Variants in CDK5RAP2 observed in about 807,000 individuals in gnomAD.
CDK5RAP2 encodes CDK5 regulatory subunit associated protein 2, also known as CDK5 regulatory subunit-associated protein 2.
A neutral mutation model predicts 232.9 loss-of-function variants in CDK5RAP2; 147 were observed. That is an observed-to-expected ratio of 0.63 (90% CI 0.55 to 0.72). The LOEUF (loss-of-function observed/expected upper bound fraction) is 0.72. Ranked by LOEUF, CDK5RAP2 falls within the 30% of genes least tolerant of loss-of-function variation. CDK5RAP2 has a pLI of 0.00. For synonymous variants in CDK5RAP2, 833 were observed against 833.7 expected (o/e 1.00, Z 0.01); for missense variants, 2,195 against 2,231.5 (o/e 0.98, Z 0.33).
chr9:120,415,282 G>A, intron 27 of CDK5RAP2, 123 bp from the exon 28 acceptor site: 2 of 1,127,864 alleles, frequency 1.8e-6, no homozygotes, highest in African/African-American at 1.5e-5. Flanking sequence ...GTTAGCAACT[G>A]GCAATTCTTT....
chr9:120,542,322 T>G (rs555589293), intron 5 of CDK5RAP2, among the ~76,000 whole-genome samples: 1 of 152,088 alleles, frequency 6.6e-6, no homozygotes, highest in East Asian at 1.9e-4. Flanking sequence ...CTGGCCAACA[T>G]GGTGAAACCC....
chr9:120,543,757 C>G (rs1185849139), intron 5 of CDK5RAP2, among the ~76,000 whole-genome samples: 6 of 152,302 alleles, frequency 3.9e-5, no homozygotes, highest in Admixed American at 2.0e-4. Flanking sequence ...ACTCAGGAGG[C>G]TGAGGCAGGA....
Position 120,535,693 on chromosome 9 carries a change from T to A in CDK5RAP2, c.662+679A>T, listed in dbSNP as rs186322104. ...ACTCAACTTTCTCCTGACAAGTTTT[T>A]ACCAAAAATTTCGTTGCAAAATATG... On this transcript the variant is annotated intron_variant, in intron 7 of 37. Transcript: ENST00000349780. 2.3e-4 allele frequency among the ~76,000 whole-genome samples: 35 copies of A among 152,360 alleles called. 2 individuals carry two copies. Among genetic ancestry groups the A allele is most frequent in the Admixed American group, 2.2e-3 (33 of 15,306 alleles).
chr9:120,579,890 T>TTACCACGACCACCAA, intron 1 of CDK5RAP2, 30 bp downstream of exon 1: 4 of 1,595,952 alleles, frequency 2.5e-6, no homozygotes, highest in Non-Finnish European at 3.4e-6. Context: ...CCCGGCCCGG[T>TTACCACGACCACCAA]TACCACGACC....
chr9:120,560,738 TC>T (rs1292350184), intron 3 of CDK5RAP2, among the ~76,000 whole-genome samples: 1 of 152,120 alleles, frequency 6.6e-6, no homozygotes, highest in Non-Finnish European at 1.5e-5. Context: ...TGCCTTAGCC[TC>T]CCAAGTAGCT....
intron 34 of CDK5RAP2, among the ~76,000 whole-genome samples, chr9:120,401,636 G>GAC (rs2033025745): frequency 1.5e-5 from 2 of 134,432 alleles, no homozygotes; most frequent in African/African-American, 5.5e-5. Flanking sequence ...AAAAAAAAGA[G>GAC]AGAAAAAAGA....
At chr9:120,417,293 A>G (rs1311067486) in intron 27 of CDK5RAP2, among the ~76,000 whole-genome samples, 1 of 148,894 alleles carries the variant, frequency 6.7e-6, no homozygotes, top group Non-Finnish European at 1.5e-5. Flanking sequence ...CACGCTCCTT[A>G]AACTCCGGGC....
At chr9:120,548,285 G>A (rs896198198) in intron 4 of CDK5RAP2, among the ~76,000 whole-genome samples, 2 of 152,144 alleles carry the variant, frequency 1.3e-5, no homozygotes, top group African/African-American at 2.4e-5. Context: ...TCAGAAGGGT[G>A]GAGAGCTTCT....
intron 21 of CDK5RAP2, among the ~76,000 whole-genome samples, chr9:120,448,911 T>C (rs752909166): frequency 1.2e-4 from 19 of 152,202 alleles, no homozygotes; most frequent in Non-Finnish European, 1.9e-4. Context: ...ACCTAAGTCA[T>C]GGCAACAGTC....
intron 4 of CDK5RAP2, 61 bp downstream of exon 4, chr9:120,550,731 T>C: frequency 1.1e-6 from 1 of 948,094 alleles, no homozygotes; most frequent in Non-Finnish European, 1.8e-6. Context: ...TAATCAAATT[T>C]CTGCTTGAAA....
chr9:120,395,975 C>CAG (rs2032430416), intron 35 of CDK5RAP2, among the ~76,000 whole-genome samples: 1 of 152,314 alleles, frequency 6.6e-6, no homozygotes, highest in Middle Eastern at 3.4e-3. Context: ...TTGGAAGTGA[C>CAG]AGACATACAT....
At chr9:120,544,711 G>A (rs992528779) in intron 5 of CDK5RAP2, among the ~76,000 whole-genome samples, 1 of 152,230 alleles carries the variant, frequency 6.6e-6, no homozygotes, top group African/African-American at 2.4e-5. Context: ...CCTCGGTGAG[G>A]CAACCCTGGA....
intron 24 of CDK5RAP2, among the ~76,000 whole-genome samples, chr9:120,437,824 T>C (rs1340258243): frequency 6.6e-6 from 1 of 152,178 alleles, no homozygotes; most frequent in Non-Finnish European, 1.5e-5. Flanking sequence ...TCTTCAAAAA[T>C]ACTATTCTGA....
chr9:120,535,918 C>T, intron 7 of CDK5RAP2, among the ~76,000 whole-genome samples: 1 of 152,294 alleles, frequency 6.6e-6, no homozygotes, highest in South Asian at 2.1e-4. Context: ...ACTGTTATTT[C>T]TTGTGGGGGC....
rs1036043306 is a variant in CDK5RAP2 at position 120,437,491 on chromosome 9, G to C, written c.3759C>G (p.Leu1253=). The change falls in exon 25 of 38, where the codon CTC becomes CTG. Residue 1253 remains leucine, a synonymous_variant. Coordinates refer to ENST00000349780, the MANE Select transcript of CDK5RAP2 (RefSeq NM_018249.6). ...CCTTAATCTGCTGCCGTTGAAGGGA[G>C]AGCTCCCTGGCTTGGGACTGAACTA... ...DSLVQSQARE[L]SLQRQQIKDG... is the part of the protein sequence containing the mutation. The C allele has an allele frequency of 1.2e-6, 2 of 1,614,118 alleles. No individual in the cohort carries two copies. The highest frequency in any genetic ancestry group is 1.3e-5 in the African/African-American group (1 of 75,060).
chr9:120,527,532 T>C (rs1481356415), intron 10 of CDK5RAP2, among the ~76,000 whole-genome samples: 5 of 141,040 alleles, frequency 3.5e-5, no homozygotes, highest in African/African-American at 1.3e-4. Flanking sequence ...ATATATATAA[T>C]TAAAATTAAT....
intron 32 of CDK5RAP2, 89 bp from the exon 33 acceptor site, chr9:120,404,202 A>G: frequency 4.7e-6 from 4 of 846,554 alleles, no homozygotes; most frequent in Admixed American, 1.8e-5. Flanking sequence ...AGCCCCTCAC[A>G]TTCACTTATC....
chr9:120,472,370 G>A (rs1012901345), intron 15 of CDK5RAP2, among the ~76,000 whole-genome samples: 4 of 152,142 alleles, frequency 2.6e-5, no homozygotes, highest in Non-Finnish European at 4.4e-5. Context: ...ATGTGTCTCT[G>A]TTCTGAACAA....
At chr9:120,430,825 C>A (rs1044147334) in intron 25 of CDK5RAP2, among the ~76,000 whole-genome samples, 31 of 152,050 alleles carry the variant, frequency 2.0e-4, no homozygotes, top group Non-Finnish European at 3.8e-4. Context: ...ATGTTTACTG[C>A]GGCACTATTC....
Sources: allele counts gnomAD v4.1 joint callset (sites outside exome capture counted in the v4.1 genomes callset), GRCh38; gene constraint gnomAD v4.1.1; transcripts MANE v1.5; gene names NCBI Gene and HGNC (gene_info 2026-07-23, HGNC 2026-07-21).